Variants in SHANK2 observed in about 807,000 individuals in gnomAD.
The protein encoded by SHANK2 is SH3 and multiple ankyrin repeat domains protein 2.
A neutral mutation model predicts 133.7 loss-of-function variants in SHANK2; 43 were observed. That is an observed-to-expected ratio of 0.32 (90% confidence interval 0.25 to 0.41). SHANK2 has a LOEUF of 0.41. SHANK2 is among the 10% of genes least tolerant of loss of function. The pLI is 1.00. For synonymous variants in SHANK2, 1,017 were observed against 952.8 expected, an observed-to-expected ratio of 1.07 and a Z score of -1.24; for missense variants, 1,994 against 2,235.8, an observed-to-expected ratio of 0.89 and a Z score of 2.18.
chr11:70,636,818 ATG>A (rs1171497671), intron 17 of SHANK2, among the ~76,000 whole-genome samples: 47 of 152,054 alleles, frequency 3.1e-4, no homozygotes, highest in African/African-American at 9.6e-4. Context: ...GTGTGTGGGC[ATG>A]TGTGAGAACT....
At chr11:70,551,447 G>A (rs1195317594) in intron 17 of SHANK2, among the ~76,000 whole-genome samples, 6 of 151,952 alleles carry the variant, frequency 3.9e-5, no homozygotes, top group African/African-American at 1.5e-4. Flanking sequence ...CATGCAGAAT[G>A]TCACACCTGA....
intron 14 of SHANK2, among the ~76,000 whole-genome samples, chr11:70,714,866 T>C (rs1290951175): frequency 5.3e-5 from 8 of 152,120 alleles, no homozygotes; most frequent in South Asian, 4.2e-4. Context: ...AGTACAGCAG[T>C]GCAATCATAG....
intron 10 of SHANK2, among the ~76,000 whole-genome samples, chr11:70,926,390 C>T (rs889795178): frequency 8.5e-5 from 13 of 152,264 alleles, no homozygotes; most frequent in South Asian, 4.1e-4. Flanking sequence ...ATGGCGCCAC[C>T]GCACTCTGGC....
At chr11:70,846,915 C>T (rs563881648) in intron 11 of SHANK2, among the ~76,000 whole-genome samples, 6 of 152,284 alleles carry the variant, frequency 3.9e-5, no homozygotes, top group Middle Eastern at 3.4e-3. Flanking sequence ...GTTCAAGGCC[C>T]GTGGTGCTAT....
chr11:70,471,248 T>TAATC lies in SHANK2; in HGVS notation c.*1617_*1620dup, dbSNP rs1448871343. On this transcript the variant is annotated 3_prime_UTR_variant, in exon 26 of 26. Coordinates refer to ENST00000601538, the MANE Select transcript of SHANK2 (RefSeq NM_012309.5). The surrounding 1 kb of genome is among the most constrained non-coding windows in gnomAD (Gnocchi z 4.1). Reference sequence around the variant, plus strand: ...GTTCATTCTAGAGCTGTTCCAGACCTAATCAAGAAAAAAAGGAAAAAAAAA... The same window carrying TAATC: ...GTTCATTCTAGAGCTGTTCCAGACCTAATCAATCAAGAAAAAAAGGAAAAAAAAA... The TAATC allele has an allele frequency of 1.0e-5, 4 of 393,644 alleles. No homozygotes were observed. Among genetic ancestry groups the TAATC allele is most frequent in the African/African-American group, 2.1e-5 (1 of 47,038 alleles). The allele number at this position is 393,644 out of a possible 1,614,324, so 24.4% of individuals were successfully genotyped here. A position where few individuals can be genotyped will look rare whatever the true frequency, so the allele number is the denominator to read the frequency against.
At chr11:71,098,282 T>A (rs568689005) in intron 6 of SHANK2, among the ~76,000 whole-genome samples, 1 of 152,172 alleles carries the variant, frequency 6.6e-6, no homozygotes, top group African/African-American at 2.4e-5. Flanking sequence ...TGTGTGTGCA[T>A]GCCTGTGTGC....
intron 14 of SHANK2, among the ~76,000 whole-genome samples, chr11:70,738,984 C>T (rs1292889365): frequency 1.3e-5 from 2 of 152,192 alleles, no homozygotes; most frequent in Non-Finnish European, 2.9e-5. Context: ...TGTGGCCCGA[C>T]GGAAGGACCT....
At position 70,486,315 on chromosome 11, in the gene SHANK2, G is replaced by C. The variant is rs370885363; in HGVS notation, c.3978C>G (p.Asn1326Lys). 6.2e-7 allele frequency: 1 copy of C among 1,613,788 alleles called. No individual in the cohort carries two copies. The highest frequency in any genetic ancestry group is 8.5e-7 in the Non-Finnish European group (1 of 1,180,036). ...CCTTCTCGTCCTCTTCCTGCAGGGC[G>C]TTGTCCAGCTTAGTGGCGTCCACGG... ...VHTVDATKLD[N>K]ALQEEDEKAE... The change falls in exon 25 of 26, where the codon AAC (asparagine) becomes AAG (lysine). Residue 1326 changes from asparagine (N) to lysine (K), a missense_variant. Asn to Lys is a moderately conservative substitution (Grantham distance 94). Transcript: ENST00000601538. This position sits in a 1 kb window ranked among gnomAD's most constrained non-coding sequence, Gnocchi z 8.0.
intron 21 of SHANK2, among the ~76,000 whole-genome samples, chr11:70,498,741 G>A (rs1439618492): frequency 6.6e-6 from 1 of 152,296 alleles, no homozygotes; most frequent in East Asian, 1.9e-4. Flanking sequence ...TGCACGGGGG[G>A]CTTAAAACAA....
intron 17 of SHANK2, among the ~76,000 whole-genome samples, chr11:70,619,552 T>A (rs1200971164): frequency 6.6e-6 from 1 of 152,202 alleles, no homozygotes; most frequent in African/African-American, 2.4e-5. Context: ...GTTCATTGCA[T>A]CTGCAAAGCC....
chr11:71,074,060 A>C (rs1019799749), intron 9 of SHANK2, among the ~76,000 whole-genome samples: 1 of 152,138 alleles, frequency 6.6e-6, no homozygotes, highest in Non-Finnish European at 1.5e-5. Context: ...CAGTTCTGGC[A>C]CCAGCTGTGG....
intron 11 of SHANK2, among the ~76,000 whole-genome samples, chr11:70,840,226 C>T (rs2135427261): frequency 6.6e-6 from 1 of 152,334 alleles, no homozygotes; most frequent in South Asian, 2.1e-4. Context: ...GGTGTCCCGA[C>T]TCCTGGACAG....
At chr11:70,478,567 T>C (rs1193793860) in intron 25 of SHANK2, among the ~76,000 whole-genome samples, 2 of 152,240 alleles carry the variant, frequency 1.3e-5, no homozygotes, top group Non-Finnish European at 2.9e-5. Context: ...ATTGAAAAGA[T>C]AGAACCGGAG....
intron 11 of SHANK2, among the ~76,000 whole-genome samples, chr11:70,894,855 C>A (rs1433059023): frequency 6.6e-6 from 1 of 152,172 alleles, no homozygotes; most frequent in Non-Finnish European, 1.5e-5. Context: ...TCAAGAGAGT[C>A]CCACTCCCTT....
chr11:71,098,117 CTGTA>C (rs2135146769), intron 6 of SHANK2, among the ~76,000 whole-genome samples: 1 of 142,942 alleles, frequency 7.0e-6, no homozygotes, highest in South Asian at 2.2e-4. Context: ...GTATGCATGC[CTGTA>C]TGTATGTGTA....
intron 2 of SHANK2, among the ~76,000 whole-genome samples, chr11:71,172,972 CT>C (rs1953349466): frequency 6.6e-6 from 1 of 152,234 alleles, no homozygotes; most frequent in Non-Finnish European, 1.5e-5. Flanking sequence ...GTGCTCTGGC[CT>C]CCGGGGCCAT....
At chr11:71,090,299 G>C (rs1490631366) in intron 8 of SHANK2, among the ~76,000 whole-genome samples, 2 of 98,942 alleles carry the variant, frequency 2.0e-5, no homozygotes, top group Admixed American at 1.2e-4. Context: ...GTGTCCTGCT[G>C]CTTCTACATT....
chr11:70,736,565 C>T (rs929584390), intron 14 of SHANK2, among the ~76,000 whole-genome samples: 2 of 152,170 alleles, frequency 1.3e-5, no homozygotes, highest in South Asian at 4.1e-4. Context: ...ATGCCTGGAG[C>T]CACCAGGAGG....
intron 2 of SHANK2, among the ~76,000 whole-genome samples, chr11:71,200,518 A>G (rs1342877959): frequency 6.6e-6 from 1 of 151,590 alleles, no homozygotes. Context: ...CTCCACGTTT[A>G]ACTTCACTCT....
Sources: allele counts gnomAD v4.1 joint callset (sites outside exome capture counted in the v4.1 genomes callset), GRCh38; gene constraint gnomAD v4.1.1; non-coding constraint Gnocchi (gnomAD v3.1); transcripts MANE v1.5; gene names NCBI Gene and HGNC (gene_info 2026-07-23, HGNC 2026-07-21).